The following EXOC6B variants were observed in gnomAD, a reference collection of about 807,000 sequenced individuals.
EXOC6B encodes SEC15 homolog B.
EXOC6B carries 54 observed loss-of-function variants against 113.5 expected under a neutral mutation model. That is an observed-to-expected ratio of 0.48 (90% CI 0.38 to 0.60). EXOC6B has a LOEUF of 0.60. Among genes scored for constraint, EXOC6B ranks in the 20% least tolerant of loss-of-function variants. EXOC6B has a pLI of 0.00. For synonymous variants in EXOC6B, 357 were observed against 339.0 expected (o/e 1.05, Z -0.58); for missense variants, 797 against 977.5 (o/e 0.82, Z 2.46).
intron 16 of EXOC6B, among the ~76,000 whole-genome samples, chr2:72,484,619 G>A (rs1484007151): frequency 2.0e-5 from 3 of 150,536 alleles, no homozygotes; most frequent in Non-Finnish European, 4.4e-5. Flanking sequence ...CCCCACAACA[G>A]GCCCTGGTAT....
chr2:72,288,431 T>C (rs1685575029), intron 20 of EXOC6B, among the ~76,000 whole-genome samples: 2 of 152,056 alleles, frequency 1.3e-5, no homozygotes, highest in African/African-American at 4.8e-5. Context: ...AAAAACTCAA[T>C]CTGTAAACAA....
In EXOC6B at chr2:72,718,282, C is replaced by T; in HGVS notation, c.490G>A (p.Glu164Lys). The change falls in exon 6 of 22, where the codon GAA becomes AAA. Residue 164 changes from glutamate (E) to lysine (K), a missense_variant. Transcript: ENST00000272427. ...KRHYPALKTLEHLEHTYLPQV... is the reference protein window; with the variant it reads ...KRHYPALKTLKHLEHTYLPQV... ...GGCAGGTAGGTATGCTCTAGATGTT[C>T]CAGAGTTTTCAGTGCAGGATAATGC... 6.2e-7 allele frequency: 1 copy of T among 1,613,672 alleles called. No homozygotes were observed. The highest frequency in any genetic ancestry group is 1.1e-5 in the South Asian group (1 of 91,062).
intron 5 of EXOC6B, 53 bp downstream of exon 5, chr2:72,730,953 TA>T: frequency 7.5e-7 from 1 of 1,327,648 alleles, no homozygotes; most frequent in Non-Finnish European, 1.0e-6. Flanking sequence ...AAACGTATTC[TA>T]AACAACAGAA....
chr2:72,454,055 A>G (rs927644824), intron 18 of EXOC6B, among the ~76,000 whole-genome samples: 1 of 152,176 alleles, frequency 6.6e-6, no homozygotes, highest in African/African-American at 2.4e-5. Context: ...AACTACTCCC[A>G]TGGTTCAATT....
intron 8 of EXOC6B, among the ~76,000 whole-genome samples, chr2:72,530,762 G>A (rs561034008): frequency 5.8e-4 from 88 of 151,856 alleles, no homozygotes; most frequent in Non-Finnish European, 8.2e-4. Flanking sequence ...GTTGTTTGGG[G>A]CATAATCATT....
rs143694876 is a variant in EXOC6B, at chr2:72,184,095, A to G, written c.2289T>C (p.Thr763=). The G allele has an allele frequency of 4.1e-4, 640 of 1,561,626 alleles. 2 individuals carry two copies. The African/African-American group carries it at 7.3e-3, about 18-fold the overall frequency. ...NCKYLRVNPV[T]ALTLLEKMKD... Reference sequence around the variant, plus strand: ...CTCACTTCTCAAGCAGGGTCAGAGCAGTCACTGGGTTTACCCGGAGGTACT... The same window carrying G: ...CTCACTTCTCAAGCAGGGTCAGAGCGGTCACTGGGTTTACCCGGAGGTACT... Residue 763 remains threonine, a synonymous_variant, in exon 21 of 22, where the codon ACT becomes ACC. Transcript: ENST00000272427.
chr2:72,230,182 A>G (rs1315151610), intron 20 of EXOC6B, among the ~76,000 whole-genome samples: 1 of 152,202 alleles, frequency 6.6e-6, no homozygotes, highest in Admixed American at 6.5e-5. Context: ...GAAACTCACT[A>G]AAATTTAACT....
At chr2:72,232,797 G>T (rs1681710577) in intron 20 of EXOC6B, among the ~76,000 whole-genome samples, 1 of 152,110 alleles carries the variant, frequency 6.6e-6, no homozygotes, top group African/African-American at 2.4e-5. Flanking sequence ...CCCGGGCCAG[G>T]CGCAGTGGCT....
At chr2:72,441,908 C>G (rs545049451) in intron 18 of EXOC6B, among the ~76,000 whole-genome samples, 1 of 152,196 alleles carries the variant, frequency 6.6e-6, no homozygotes, top group Admixed American at 6.5e-5. Flanking sequence ...TCTATGAGGC[C>G]AGCCTCATCC....
chr2:72,486,153 T>C (rs963732743), intron 16 of EXOC6B, among the ~76,000 whole-genome samples: 1 of 152,114 alleles, frequency 6.6e-6, no homozygotes, highest in Non-Finnish European at 1.5e-5. Flanking sequence ...GTGGATCACC[T>C]GAGGTCAGGA....
rs541174305 is a variant in EXOC6B at position 72,582,056 on chromosome 2, A to T, written c.670-6388T>A. 2.0e-5 allele frequency among the ~76,000 whole-genome samples: 3 copies of T among 152,294 alleles called. 1 individual carries two copies. The South Asian group carries it at 6.2e-4, about 32-fold the overall frequency. ...GCTTCCAAGTTCAATCACAAACTCAATATAAAATCTGCGGACAGAAGTTCA... is the reference window on the plus strand; with the variant it reads ...GCTTCCAAGTTCAATCACAAACTCATTATAAAATCTGCGGACAGAAGTTCA... On this transcript the variant is annotated intron_variant, in intron 6 of 21. Coordinates refer to ENST00000272427, the MANE Select transcript of EXOC6B (RefSeq NM_015189.3).
chr2:72,187,960 A>T (rs544584630), intron 20 of EXOC6B, among the ~76,000 whole-genome samples: 1 of 152,302 alleles, frequency 6.6e-6, no homozygotes, highest in Admixed American at 6.5e-5. Flanking sequence ...GGCACTTCCA[A>T]GCCTACAAGG....
At chr2:72,292,738 A>G (rs923960584) in intron 20 of EXOC6B, among the ~76,000 whole-genome samples, 1 of 152,196 alleles carries the variant, frequency 6.6e-6, no homozygotes, top group African/African-American at 2.4e-5. Flanking sequence ...GTTCTCCATC[A>G]TTACAGTTTT....
chr2:72,288,551 G>A (rs1248231754), intron 20 of EXOC6B, among the ~76,000 whole-genome samples: 2 of 151,972 alleles, frequency 1.3e-5, no homozygotes, highest in African/African-American at 2.4e-5. Flanking sequence ...TCATACAACA[G>A]TTTGGATGAC....
chr2:72,303,000 A>G (rs1686623551), intron 20 of EXOC6B, among the ~76,000 whole-genome samples: 1 of 152,146 alleles, frequency 6.6e-6, no homozygotes, highest in Non-Finnish European at 1.5e-5. Context: ...AAGATCTCTT[A>G]TAAAGTGGGT....
chr2:72,268,833 C>T (rs1002353206), intron 20 of EXOC6B, among the ~76,000 whole-genome samples: 32 of 152,286 alleles, frequency 2.1e-4, no homozygotes, highest in African/African-American at 7.7e-4. Context: ...CACCTTCCAC[C>T]ATGGTTGTAT....
At chr2:72,748,701 T>G (rs1681855349) in intron 1 of EXOC6B, among the ~76,000 whole-genome samples, 4 of 152,034 alleles carry the variant, frequency 2.6e-5, no homozygotes, top group Admixed American at 2.6e-4. Context: ...AATGCTGTGA[T>G]GCAGATTTCT....
chr2:72,447,150 T>C (rs1167340075), intron 18 of EXOC6B, among the ~76,000 whole-genome samples: 1 of 152,080 alleles, frequency 6.6e-6, no homozygotes, highest in Admixed American at 6.5e-5. Context: ...TCCACCTATG[T>C]TGTATTCAAC....
rs750638745 is a variant in EXOC6B at position 72,360,980 on chromosome 2, C to G, written c.2122+18749G>C. ...TGGAACTTTGACCCCTTATTCTTCT[C>G]CAAAATACTTTCCATTGCAACCCCA... On this transcript the variant is annotated intron_variant, in intron 19 of 21. Coordinates refer to ENST00000272427, the MANE Select transcript of EXOC6B (RefSeq NM_015189.3). Among the ~76,000 whole-genome samples, 19 of 151,564 alleles carry G rather than the reference C, an allele frequency of 1.3e-4. 1 individual carries two copies. Among genetic ancestry groups the G allele is most frequent in the African/African-American group, 4.4e-4 (18 of 41,262 alleles).
Sources: gnomAD v4.1 joint callset for allele counts (sites outside exome capture counted in the v4.1 genomes callset) on GRCh38, gnomAD v4.1.1 for gene constraint, MANE v1.5 for transcripts, NCBI Gene and HGNC (gene_info 2026-07-23, HGNC 2026-07-21) for gene names.